DOT1L: variants seen among roughly 807,000 people sequenced by gnomAD.
The protein encoded by DOT1L is histone-lysine N-methyltransferase, H3 lysine-79 specific.
Under a neutral mutation model 153.3 loss-of-function variants are expected in DOT1L, and 33 were observed. The observed-to-expected ratio is 0.22, with a 90% CI of 0.16 to 0.29. The LOEUF (loss-of-function observed/expected upper bound fraction) is 0.29, where lower values mean the gene tolerates loss of function less well. Among genes scored for constraint, DOT1L ranks in the 10% least tolerant of loss-of-function variants. The probability of loss-of-function intolerance (pLI) is 1.00; values close to 1 mark genes in which losing one functional copy is unlikely to be tolerated. For missense variants in DOT1L, 1,847 were observed against 2,119.9 expected (o/e 0.87, Z 2.53); for synonymous variants, 1,135 against 965.1 (o/e 1.18, Z -3.26).
intron 2 of DOT1L, among the ~76,000 whole-genome samples, chr19:2,183,760 G>A (rs904607732): frequency 7.2e-5 from 11 of 151,946 alleles, no homozygotes; most frequent in African/African-American, 2.2e-4. Flanking sequence ...CCGAGTAGCT[G>A]GGATTAGAGG....
chr19:2,186,224 G>C (rs752789642), intron 3 of DOT1L, among the ~76,000 whole-genome samples: 1 of 152,262 alleles, frequency 6.6e-6, no homozygotes, highest in Non-Finnish European at 1.5e-5. Flanking sequence ...GGCGGCTGAC[G>C]GCCAGAAGTC....
chr19:2,188,484 C>A (rs1485252826), intron 3 of DOT1L, among the ~76,000 whole-genome samples: 7 of 124,740 alleles, frequency 5.6e-5, no homozygotes, highest in Non-Finnish European at 8.9e-5. Context: ...GCCGCCGCCC[C>A]CCCCCCCCCC....
In DOT1L at chr19:2,179,507, T is replaced by C. The variant is rs114339684; in HGVS notation, c.82-1206T>C. Among the ~76,000 whole-genome samples the C allele has an allele frequency of 8.5e-3, 1,299 of 152,280 alleles. 20 individuals are homozygous for C. Among genetic ancestry groups the C allele is most frequent in the African/African-American group, 0.028 (1,145 of 41,548 alleles). ...GATTTAAAAAAAAATTGTTCATTTT[T>C]ATAAAAAAGACATGGGCTGGCTGGG... On this transcript the variant is annotated intron_variant, in intron 1 of 27. Transcript: ENST00000398665.
At chr19:2,182,357 A>G (rs967048660) in intron 2 of DOT1L, among the ~76,000 whole-genome samples, 4 of 152,114 alleles carry the variant, frequency 2.6e-5, no homozygotes, top group Non-Finnish European at 4.4e-5. Flanking sequence ...GCCGGGCAAC[A>G]TAATGAGACC....
intron 27 of DOT1L, chr19:2,227,500 C>T (rs920085301): frequency 1.1e-5 from 6 of 531,290 alleles, no homozygotes; most frequent in Non-Finnish European, 2.1e-5. Context: ...CCTGCCCAGA[C>T]AGGGCGGAGA....
intron 1 of DOT1L, among the ~76,000 whole-genome samples, chr19:2,170,493 T>C (rs1383737088): frequency 6.6e-6 from 1 of 152,100 alleles, no homozygotes; most frequent in African/African-American, 2.4e-5. Context: ...CAGATACGGG[T>C]ACCCGGGGAT....
intron 7 of DOT1L, among the ~76,000 whole-genome samples, chr19:2,195,955 GTC>G (rs1568344598): frequency 6.6e-6 from 1 of 152,216 alleles, no homozygotes; most frequent in African/African-American, 2.4e-5. Context: ...ACCCCTCACT[GTC>G]TCCTCAGCAG....
At chr19:2,185,701 G>A (rs552596906) in intron 2 of DOT1L, among the ~76,000 whole-genome samples, 154 bp from the exon 3 acceptor site, 26 of 152,224 alleles carry the variant, frequency 1.7e-4, no homozygotes, top group South Asian at 6.2e-4. Flanking sequence ...CCCAGGAGGC[G>A]GAGCTTGCAG....
intron 26 of DOT1L, among the ~76,000 whole-genome samples, 170 bp downstream of exon 26, chr19:2,225,622 G>A (rs553000992): frequency 1.5e-4 from 23 of 151,342 alleles, no homozygotes; most frequent in Admixed American, 2.6e-4. Context: ...CTGCGTGGGC[G>A]CCGACACTGG....
At position 2,216,488 on chromosome 19, in the gene DOT1L, C is replaced by T. The variant is rs777723367; in HGVS notation, c.2131C>T (p.Leu711Phe). ...TCACTTGAGCAGCATGAGCCCGGAG[C>T]TCTCCATGAACGGCCAGGCTGCTGG... is the stretch of plus-strand genomic sequence containing the variant. ...LPHLSSMSPE[L>F]SMNGQAAGYE... The change falls in exon 20 of 28, where the codon CTC (leucine) becomes TTC (phenylalanine). Residue 711 changes from leucine (L) to phenylalanine (F), a missense_variant. This residue lies in a region of DOT1L where 281 missense variants were observed against 263.6 expected (regional missense o/e 1.07). Transcript: ENST00000398665. The T allele has an allele frequency of 3.1e-6, 5 of 1,612,586 alleles. No individual in the cohort carries two copies. The highest frequency in any genetic ancestry group is 1.7e-5 in the Admixed American group (1 of 60,012).
chr19:2,198,907 G>A lies in DOT1L; in HGVS notation c.652-977G>A, dbSNP rs111992162. On this transcript the variant is annotated intron_variant, in intron 7 of 27. Transcript: ENST00000398665. The stretch of plus-strand genomic sequence containing the variant: ...GAGCCTGGCTCCTGTTCTCATTGGG[G>A]TCCTGCTTCCAGGTGTGCGCGGCCT... 2.4e-3 allele frequency among the ~76,000 whole-genome samples: 363 copies of A among 152,328 alleles called. 1 individual carries two copies. The highest frequency in any genetic ancestry group is 8.3e-3 in the African/African-American group (344 of 41,572).
rs2144817726 is a variant in DOT1L at position 2,208,133 on chromosome 19, G to T, written c.963+453G>T. Among the ~76,000 whole-genome samples the T allele has an allele frequency of 6.6e-6, 1 of 152,178 alleles. No individual in the cohort carries two copies. The highest frequency in any genetic ancestry group is 1.5e-5 in the Non-Finnish European group (1 of 67,970). ...TTCTTCCCTCCCTGTGTTCCCCAGG[G>T]TCCTCTGACACAGCCCTGGGCCAGT... On this transcript the variant is annotated intron_variant, in intron 11 of 27. Coordinates refer to ENST00000398665, the MANE Select transcript of DOT1L (RefSeq NM_032482.3). This position sits in a 1 kb window ranked among gnomAD's most constrained non-coding sequence, Gnocchi z 4.4.
intron 2 of DOT1L, among the ~76,000 whole-genome samples, chr19:2,183,486 G>A (rs1240755059): frequency 6.6e-6 from 1 of 152,104 alleles, no homozygotes; most frequent in Non-Finnish European, 1.5e-5. Flanking sequence ...GGCTCTCCTC[G>A]TTTGGATGTC....
At chr19:2,180,397 T>C (rs1442998636) in intron 1 of DOT1L, among the ~76,000 whole-genome samples, 2 of 152,088 alleles carry the variant, frequency 1.3e-5, no homozygotes, top group East Asian at 1.9e-4. Context: ...GGAGCGGAGC[T>C]TGGGGCGGCC....
In DOT1L at chr19:2,217,697, C is replaced by T. The variant is rs1007479814; in HGVS notation, c.2545-75C>T. ...CCTTGAGAGAGCTGTAGCAGGCCCC[C>T]GTCCTGTGGCTGTGGTCCCTGTGTC... On this transcript the variant is annotated intron_variant, in intron 21 of 27. Coordinates refer to ENST00000398665, the MANE Select transcript of DOT1L (RefSeq NM_032482.3). The surrounding 1 kb of genome is among the most constrained non-coding windows in gnomAD (Gnocchi z 7.3). 77 of 1,532,714 alleles carry T rather than the reference C, an allele frequency of 5.0e-5. No homozygotes were observed. In the South Asian group the frequency reaches 5.7e-4, roughly 11 times the overall value. 94.9% of individuals were successfully genotyped at this position (1,532,714 alleles called of 1,614,324 possible). A position where few individuals can be genotyped will look rare whatever the true frequency, so the allele number is the denominator to read the frequency against.
intron 1 of DOT1L, among the ~76,000 whole-genome samples, chr19:2,177,107 C>T (rs1042644706): frequency 9.9e-5 from 15 of 152,162 alleles, no homozygotes; most frequent in African/African-American, 3.6e-4. Flanking sequence ...TGTGGGGGTC[C>T]GCAGGAAGAA....
At chr19:2,206,831 G>C in intron 10 of DOT1L, 34 bp downstream of exon 10, 2 of 1,598,386 alleles carry the variant, frequency 1.3e-6, no homozygotes, top group Non-Finnish European at 1.7e-6. Context: ...TGATGAACAC[G>C]GGTAATTTTA....
At chr19:2,170,189 G>T (rs931301244) in intron 1 of DOT1L, among the ~76,000 whole-genome samples, 6 of 152,104 alleles carry the variant, frequency 3.9e-5, no homozygotes, top group African/African-American at 1.4e-4. Context: ...AAGTAATATT[G>T]GCCATTGATG....
chr19:2,177,610 C>G (rs1055398581), intron 1 of DOT1L, among the ~76,000 whole-genome samples: 1 of 152,126 alleles, frequency 6.6e-6, no homozygotes. Flanking sequence ...TGATCTGCGC[C>G]CAGCTCGTGT....
Sources: allele counts gnomAD v4.1 joint callset (sites outside exome capture counted in the v4.1 genomes callset), GRCh38; gene constraint gnomAD v4.1.1; regional missense constraint gnomAD v4.1.1; non-coding constraint Gnocchi (gnomAD v3.1); transcripts MANE v1.5; gene names NCBI Gene and HGNC (gene_info 2026-07-23, HGNC 2026-07-21).